Variants in GRWD1 observed in about 807,000 individuals in gnomAD.
GRWD1 encodes the protein glutamate rich WD repeat containing 1, also known as glutamate-rich WD repeat-containing protein 1.
Under a neutral mutation model 45.3 loss-of-function variants are expected in GRWD1, and 29 were observed. The observed-to-expected ratio is 0.64, with a 90% CI of 0.48 to 0.87. The LOEUF (loss-of-function observed/expected upper bound fraction) is 0.87. Among genes scored for constraint, GRWD1 ranks in the 40% least tolerant of loss-of-function variants. The pLI, the probability that GRWD1 is intolerant of heterozygous loss-of-function variation, is 0.00. For missense variants in GRWD1, 592 were observed against 618.8 expected (o/e 0.96, Z 0.46); for synonymous variants, 262 against 257.6 (o/e 1.02, Z -0.16).
In GRWD1 at chr19:48,450,235, A is replaced by G. The variant is rs974616449; in HGVS notation, c.469-78A>G. On this transcript the variant is annotated intron_variant, in intron 3 of 6. Transcript: ENST00000253237. This position sits in a 1 kb window ranked among gnomAD's most constrained non-coding sequence, Gnocchi z 5.1. ...AAGCGCACTTCTGGTTCTCTGGGAT[A>G]TGGGGAGCGTGGGGTCAGTGCCTTG... is the stretch of plus-strand genomic sequence containing the variant. The G allele has an allele frequency of 2.7e-6, 3 of 1,119,240 alleles. No individual in the cohort carries two copies. The highest frequency in any genetic ancestry group is 2.6e-5 in the East Asian group (1 of 38,886). 69.3% of individuals were successfully genotyped at this position (1,119,240 alleles called of 1,614,324 possible).
Position 48,446,143 on chromosome 19 carries a change from G to A in GRWD1, c.138G>A (p.Glu46=). Residue 46 remains glutamate (E), a synonymous_variant, in exon 1 of 7, where the codon GAG becomes GAA. Transcript: ENST00000253237. ...GGCCGCCGCTACGCGAAGGGGAGGA[G>A]CTGGTCATGGACGAGGAGGCCTATG... is the stretch of plus-strand genomic sequence containing the variant. ...GRGPPLREGE[E]LVMDEEAYVL... 6.2e-7 allele frequency: 1 copy of A among 1,608,224 alleles called. No individual in the cohort carries two copies. The highest frequency in any genetic ancestry group is 8.5e-7 in the Non-Finnish European group (1 of 1,178,504).
Position 48,456,687 on chromosome 19 carries a change from C to G in GRWD1, c.*3662C>G, listed in dbSNP as rs1266082457. 6.6e-6 allele frequency: 1 copy of G among 152,230 alleles called. No individual in the cohort carries two copies. The highest frequency in any genetic ancestry group is 2.4e-5 in the African/African-American group (1 of 41,440). The allele number at this position is 152,230 out of a possible 1,614,324, so 9.4% of individuals were successfully genotyped here. On this transcript the variant is annotated 3_prime_UTR_variant, in exon 7 of 7. Coordinates refer to ENST00000253237, the MANE Select transcript of GRWD1 (RefSeq NM_031485.4). Reference sequence around the variant, plus strand: ...CTGGAATGGTTTGTCCTGATCCAGCCAGTTCCTGGGAAGTTCCCCACCACA... The same window carrying G: ...CTGGAATGGTTTGTCCTGATCCAGCGAGTTCCTGGGAAGTTCCCCACCACA...
intron 6 of GRWD1, among the ~76,000 whole-genome samples, chr19:48,451,685 G>A (rs1466161892): frequency 6.6e-6 from 1 of 152,222 alleles, no homozygotes; most frequent in Non-Finnish European, 1.5e-5. Flanking sequence ...ACATTGTGGA[G>A]CTGGGAGGGT....
chr19:48,454,579 C>G lies in GRWD1; in HGVS notation c.*1554C>G, dbSNP rs915692048. ...CAGCGGAGGGCATGGGGGTGGGCCG[C>G]CCCAACAGGTACGTGCCTCCATGCA... is the stretch of plus-strand genomic sequence containing the variant. On this transcript the variant is annotated 3_prime_UTR_variant, in exon 7 of 7. Coordinates refer to ENST00000253237, the MANE Select transcript of GRWD1 (RefSeq NM_031485.4). The G allele has an allele frequency of 6.6e-6, 1 of 152,474 alleles. No homozygotes were observed. Among genetic ancestry groups the G allele is most frequent in the Non-Finnish European group, 1.5e-5 (1 of 68,314 alleles). 9.4% of individuals were successfully genotyped at this position (152,474 alleles called of 1,614,324 possible).
At position 48,446,287 on chromosome 19, in the gene GRWD1, A is replaced by T. The variant is rs1485664341; in HGVS notation, c.187+95A>T. ...GGAAGAGAAGGCTGGGGTCTAAGAG[A>T]AGTGATTTCATACCGGAGGCGGTTG... On this transcript the variant is annotated intron_variant, in intron 1 of 6. Transcript: ENST00000253237. The T allele has an allele frequency of 7.7e-6, 12 of 1,558,432 alleles. No individual in the cohort carries two copies. The East Asian group carries it at 2.7e-4, about 35-fold the overall frequency.
chr19:48,447,758 G>C (rs540985257), intron 3 of GRWD1, among the ~76,000 whole-genome samples: 1 of 152,278 alleles, frequency 6.6e-6, no homozygotes, highest in South Asian at 2.1e-4. Flanking sequence ...TTACATGTTA[G>C]GTACTGTTTT....
rs1971518175 is a variant in GRWD1, at chr19:48,454,754, C to T, written c.*1729C>T. On this transcript the variant is annotated 3_prime_UTR_variant, in exon 7 of 7. Coordinates refer to ENST00000253237, the MANE Select transcript of GRWD1 (RefSeq NM_031485.4). ...CGCCAGGAGAATCCACCCCCAGGTTCAGTGCCTCCAACTCTCACCCCATCC... is the reference window on the plus strand; with the variant it reads ...CGCCAGGAGAATCCACCCCCAGGTTTAGTGCCTCCAACTCTCACCCCATCC... 6.6e-6 allele frequency: 1 copy of T among 152,154 alleles called. No individual in the cohort carries two copies. Among genetic ancestry groups the T allele is most frequent in the Admixed American group, 6.6e-5 (1 of 15,224 alleles). The allele number at this position is 152,154 out of a possible 1,614,324, so 9.4% of individuals were successfully genotyped here.
At chr19:48,451,002 C>A (rs755846723) in intron 5 of GRWD1, 32 bp from the exon 6 acceptor site, 8 of 1,597,484 alleles carry the variant, frequency 5.0e-6, no homozygotes, top group Non-Finnish European at 6.0e-6. Context: ...GGCTGGGGGG[C>A]ATTGGGACCA....
At chr19:48,448,692 G>A (rs1427132507) in intron 3 of GRWD1, among the ~76,000 whole-genome samples, 3 of 152,178 alleles carry the variant, frequency 2.0e-5, no homozygotes, top group African/African-American at 7.2e-5. Context: ...GAATTTGCAG[G>A]CAAGGAAAAA....
rs1251046118 is a variant in GRWD1, at chr19:48,455,961, G to C, written c.*2936G>C. 1 of 152,268 alleles carries C rather than the reference G, an allele frequency of 6.6e-6. No individual in the cohort carries two copies. The highest frequency in any genetic ancestry group is 2.4e-5 in the African/African-American group (1 of 41,454). The allele number at this position is 152,268 out of a possible 1,614,324, so 9.4% of individuals were successfully genotyped here. A position where few individuals can be genotyped will look rare whatever the true frequency, so the allele number is the denominator to read the frequency against. ...GTGTGTTTGAAACCAGAGTGCTCTT[G>C]AGAAGACTGTGGTTTGTCACTCGGG... On this transcript the variant is annotated 3_prime_UTR_variant, in exon 7 of 7. Transcript: ENST00000253237.
rs62130273 is a variant in GRWD1, at chr19:48,456,960, G to A, written c.*3935G>A. 0.013 allele frequency: 1,960 copies of A among 151,368 alleles called. 30 individuals are homozygous for A. Among genetic ancestry groups the A allele is most frequent in the Admixed American group, 0.04 (604 of 15,210 alleles). 9.4% of individuals were successfully genotyped at this position (151,368 alleles called of 1,614,324 possible). Reference sequence around the variant, plus strand: ...CTGAGTTGGACTCCCAAAGTGCTAGGATTACAGGTGTGAGCCACCGCACCT... The same window carrying A: ...CTGAGTTGGACTCCCAAAGTGCTAGAATTACAGGTGTGAGCCACCGCACCT... On this transcript the variant is annotated 3_prime_UTR_variant, in exon 7 of 7. Coordinates refer to ENST00000253237, the MANE Select transcript of GRWD1 (RefSeq NM_031485.4).
Position 48,450,179 on chromosome 19 carries a change from A to T in GRWD1, c.469-134A>T. Reference sequence around the variant, plus strand: ...TTTTCTTCCCACAGAGGTTTCAAGGAGCTGTAGTCCCAGGCCTGGGAGATC... The same window carrying T: ...TTTTCTTCCCACAGAGGTTTCAAGGTGCTGTAGTCCCAGGCCTGGGAGATC... On this transcript the variant is annotated intron_variant, in intron 3 of 6. Coordinates refer to ENST00000253237, the MANE Select transcript of GRWD1 (RefSeq NM_031485.4). This position sits in a 1 kb window ranked among gnomAD's most constrained non-coding sequence, Gnocchi z 5.1. 1 of 579,520 alleles carries T rather than the reference A, an allele frequency of 1.7e-6. No homozygotes were observed. The highest frequency in any genetic ancestry group is 2.5e-5 in the Admixed American group (1 of 39,432). The allele number at this position is 579,520 out of a possible 1,614,324, so 35.9% of individuals were successfully genotyped here. A position where few individuals can be genotyped will look rare whatever the true frequency, so the allele number is the denominator to read the frequency against.
rs77441781 is a variant in GRWD1, at chr19:48,453,072, C to G, written c.*47C>G. The G allele has an allele frequency of 6.0e-6, 9 of 1,509,020 alleles. No homozygotes were observed. The highest frequency in any genetic ancestry group is 8.0e-6 in the Non-Finnish European group (9 of 1,118,368). The allele number at this position is 1,509,020 out of a possible 1,614,324, so 93.5% of individuals were successfully genotyped here. A position where few individuals can be genotyped will look rare whatever the true frequency, so the allele number is the denominator to read the frequency against. ...TTGCTTCCTGCTTGGAAACTGAAGTCGAATTGGGCTCCCCTGGAAGGGGTT... is the reference window on the plus strand; with the variant it reads ...TTGCTTCCTGCTTGGAAACTGAAGTGGAATTGGGCTCCCCTGGAAGGGGTT... On this transcript the variant is annotated 3_prime_UTR_variant, in exon 7 of 7. Coordinates refer to ENST00000253237, the MANE Select transcript of GRWD1 (RefSeq NM_031485.4).
At position 48,451,200 on chromosome 19, in the gene GRWD1, C is replaced by T; in HGVS notation, c.992C>T (p.Ala331Val). Reference sequence around the variant, plus strand: ...CTGCTCAGTGGCGGGGATGATGGGGCCCTCAAGATCTGGGACCTTCGGCAG... The same window carrying T: ...CTGCTCAGTGGCGGGGATGATGGGGTCCTCAAGATCTGGGACCTTCGGCAG... ...PFLLSGGDDG[A>V]LKIWDLRQFK... The change falls in exon 6 of 7, where the codon GCC (alanine) becomes GTC (valine). Residue 331 changes from alanine to valine, a missense_variant. Coordinates refer to ENST00000253237, the MANE Select transcript of GRWD1 (RefSeq NM_031485.4). The T allele has an allele frequency of 6.2e-7, 1 of 1,605,968 alleles. No homozygotes were observed. The highest frequency in any genetic ancestry group is 2.2e-5 in the East Asian group (1 of 44,720).
intron 2 of GRWD1, 78 bp downstream of exon 2, chr19:48,446,580 A>G (rs1410204971): frequency 1.3e-6 from 2 of 1,570,626 alleles, no homozygotes; most frequent in African/African-American, 2.7e-5. Context: ...TAGGGCTTCC[A>G]GTTTCTGCCT....
Position 48,453,931 on chromosome 19 carries a change from A to G in GRWD1, c.*906A>G, listed in dbSNP as rs1971505360. ...TATTTGAGACTCTGGTCCTTTGGCC[A>G]CAGCCCTATGAGGAAACGGGGTGTG... On this transcript the variant is annotated 3_prime_UTR_variant, in exon 7 of 7. Transcript: ENST00000253237. The G allele has an allele frequency of 1.3e-5, 2 of 151,946 alleles. No homozygotes were observed. Among genetic ancestry groups the G allele is most frequent in the Non-Finnish European group, 2.9e-5 (2 of 67,992 alleles). The allele number at this position is 151,946 out of a possible 1,614,324, so 9.4% of individuals were successfully genotyped here.
At chr19:48,446,936 T>TC in intron 3 of GRWD1, 93 bp downstream of exon 3, 7 of 545,256 alleles carry the variant, frequency 1.3e-5, no homozygotes, top group East Asian at 6.6e-5. Flanking sequence ...CTCATGTTCT[T>TC]TTTTTTTTTT....
chr19:48,446,756 G>A lies in GRWD1; in HGVS notation c.381G>A (p.Glu127=), dbSNP rs1348246025. The change falls in exon 3 of 7, where the codon GAG becomes GAA. Residue 127 remains glutamate, a synonymous_variant. Transcript: ENST00000253237. ...CAGAGGGCAGTGATGAAGAAGAAGA[G>A]GAGGAAGATGAAGAGGATGAAGAAG... The part of the protein sequence containing the change: ...PPSEGSDEEE[E]EEDEEDEEER... 6.2e-7 allele frequency: 1 copy of A among 1,613,506 alleles called. No homozygotes were observed. Among genetic ancestry groups the A allele is most frequent in the Admixed American group, 1.7e-5 (1 of 60,000 alleles).
rs1209111210 is a variant in GRWD1 at position 48,446,774 on chromosome 19, T to A, written c.399T>A (p.Asp133Glu). 1 of 1,614,016 alleles carries A rather than the reference T, an allele frequency of 6.2e-7. No individual in the cohort carries two copies. The highest frequency in any genetic ancestry group is 8.5e-7 in the Non-Finnish European group (1 of 1,180,026). The change falls in exon 3 of 7, where the codon GAT (aspartate) becomes GAA (glutamate). Residue 133 changes from aspartate to glutamate, a missense_variant. Coordinates refer to ENST00000253237, the MANE Select transcript of GRWD1 (RefSeq NM_031485.4). ...AAGAAGAGGAGGAAGATGAAGAGGA[T>A]GAAGAAGAGCGGAAACCTCAGCTGG... ...DEEEEEEDEEDEEERKPQLEL... is the reference protein window; with the variant it reads ...DEEEEEEDEEEEEERKPQLEL...
Sources: allele counts gnomAD v4.1 joint callset (sites outside exome capture counted in the v4.1 genomes callset), GRCh38; gene constraint gnomAD v4.1.1; non-coding constraint Gnocchi (gnomAD v3.1); transcripts MANE v1.5; gene names NCBI Gene and HGNC (gene_info 2026-07-23, HGNC 2026-07-21).